The following TUSC3 variants were observed in gnomAD, a reference collection of about 807,000 sequenced individuals.
TUSC3 encodes the protein tumor suppressor candidate 3.
Under a neutral mutation model 44.8 loss-of-function variants are expected in TUSC3, and 45 were observed. The ratio of observed to expected loss-of-function variants is 1.00; its 90% CI spans 0.79 to 1.29. The LOEUF is 1.29. Ranked by LOEUF, TUSC3 falls within the 50% of genes most tolerant of loss-of-function variation. The pLI is 0.00. For synonymous variants in TUSC3, 212 were observed against 152.9 expected (o/e 1.39, Z -2.85); for missense variants, 519 against 437.9 (o/e 1.19, Z -1.65).
chr8:15,838,880 TC>T, the TUSC3 span, among the ~76,000 whole-genome samples: 4 of 152,144 alleles, frequency 2.6e-5, no homozygotes, highest in African/African-American at 9.7e-5. Context: ...GTAGTTTTTT[TC>T]CAATTCTGTG....
At chr8:15,523,590 T>G (rs965074888) in intron 2 of TUSC3, among the ~76,000 whole-genome samples, 2 of 148,760 alleles carry the variant, frequency 1.3e-5, no homozygotes, top group Non-Finnish European at 3.0e-5. Flanking sequence ...CTTGCCGACT[T>G]TCCAAATATT....
chr8:15,554,930 C>A (rs1247860598), intron 1 of TUSC3, among the ~76,000 whole-genome samples: 2 of 151,192 alleles, frequency 1.3e-5, no homozygotes, highest in Non-Finnish European at 2.9e-5. Context: ...TTTTAAATAG[C>A]TACTGTGGAA....
At chr8:15,779,501 G>C in the TUSC3 span, among the ~76,000 whole-genome samples, 1 of 152,164 alleles carries the variant, frequency 6.6e-6, no homozygotes, top group Non-Finnish European at 1.5e-5. Flanking sequence ...TAATATGGAA[G>C]CTGTCTAAAC....
At chr8:15,804,242 C>T in the TUSC3 span, among the ~76,000 whole-genome samples, 2 of 152,198 alleles carry the variant, frequency 1.3e-5, no homozygotes, top group African/African-American at 4.8e-5. Context: ...GATCACCATT[C>T]TAACTGGTGT....
chr8:15,560,306 G>C (rs201774620), intron 1 of TUSC3, among the ~76,000 whole-genome samples: 1 of 128,618 alleles, frequency 7.8e-6, no homozygotes. Flanking sequence ...GAAATTTCTT[G>C]TCTTTAAGAA....
intron 6 of TUSC3, among the ~76,000 whole-genome samples, chr8:15,717,345 T>G (rs896586097): frequency 6.6e-6 from 1 of 152,088 alleles, no homozygotes; most frequent in Admixed American, 6.6e-5. Flanking sequence ...CTTAAGAACC[T>G]GTATAGAGGT....
chr8:15,500,974 G>A (rs1279602661), intron 2 of TUSC3, among the ~76,000 whole-genome samples: 4 of 152,146 alleles, frequency 2.6e-5, no homozygotes, highest in African/African-American at 7.2e-5. Flanking sequence ...ATAAGGTACA[G>A]AAAGTAACTC....
intron 9 of TUSC3, among the ~76,000 whole-genome samples, chr8:15,750,780 T>A (rs570421576): frequency 6.6e-6 from 1 of 152,222 alleles, no homozygotes; most frequent in African/African-American, 2.4e-5. Flanking sequence ...CACACTCCTG[T>A]CAGCTCCCCA....
At chr8:15,452,084 G>A (rs1800202420) in intron 1 of TUSC3, among the ~76,000 whole-genome samples, 1 of 152,152 alleles carries the variant, frequency 6.6e-6, no homozygotes, top group African/African-American at 2.4e-5. Context: ...ACTCCTTCAT[G>A]TGACTCTAGC....
At chr8:15,506,760 G>A (rs749988647) in intron 2 of TUSC3, among the ~76,000 whole-genome samples, 1 of 152,086 alleles carries the variant, frequency 6.6e-6, no homozygotes, top group Non-Finnish European at 1.5e-5. Context: ...CCCACAACAC[G>A]TGAGGATTAT....
intron 6 of TUSC3, 133 bp downstream of exon 6, chr8:15,673,969 A>G (rs1808071709): frequency 4.2e-6 from 3 of 719,004 alleles, no homozygotes; most frequent in South Asian, 1.8e-5. Flanking sequence ...CTCATTTACT[A>G]CCTGTGTCAC....
At chr8:15,790,204 T>TTG in the TUSC3 span, among the ~76,000 whole-genome samples, 1 of 144,562 alleles carries the variant, frequency 6.9e-6, no homozygotes. Flanking sequence ...TTTTTTTTTT[T>TTG]GAGATGGAGT....
intron 8 of TUSC3, among the ~76,000 whole-genome samples, chr8:15,747,699 A>G (rs1410137264): frequency 6.6e-6 from 1 of 152,126 alleles, no homozygotes; most frequent in Non-Finnish European, 1.5e-5. Flanking sequence ...ACAGAGGAAT[A>G]TTGAAAACCT....
intron 1 of TUSC3, among the ~76,000 whole-genome samples, chr8:15,547,381 C>T (rs1216790763): frequency 6.6e-6 from 1 of 151,486 alleles, no homozygotes; most frequent in East Asian, 1.9e-4. Flanking sequence ...AAGTTAGTTT[C>T]TAGGAGTTTT....
Position 15,766,198 on chromosome 8 carries a change from C to T in TUSC3, c.*2042C>T. 1 of 151,910 alleles carries T rather than the reference C, an allele frequency of 6.6e-6. No individual in the cohort carries two copies. The highest frequency in any genetic ancestry group is 1.9e-4 in the East Asian group (1 of 5,192). 9.4% of individuals were successfully genotyped at this position (151,910 alleles called of 1,614,324 possible). On this transcript the variant is annotated 3_prime_UTR_variant, in exon 11 of 11. Coordinates refer to ENST00000503731, the MANE Select transcript of TUSC3 (RefSeq NM_006765.4). ...TTCATGCTTTAAAAAGCTGTGGCTTCTCTATAGACAACTGTTACATTAGGG... is the reference window on the plus strand; with the variant it reads ...TTCATGCTTTAAAAAGCTGTGGCTTTTCTATAGACAACTGTTACATTAGGG...
chr8:15,520,358 C>G (rs981076522), intron 2 of TUSC3, among the ~76,000 whole-genome samples: 4 of 152,224 alleles, frequency 2.6e-5, no homozygotes, highest in African/African-American at 9.6e-5. Context: ...ACATTGTAAC[C>G]TTGAGTAAGA....
chr8:15,542,931 G>C (rs1801737669), intron 1 of TUSC3, among the ~76,000 whole-genome samples: 1 of 152,166 alleles, frequency 6.6e-6, no homozygotes, highest in East Asian at 1.9e-4. Flanking sequence ...CATTTCTATA[G>C]TTTGTTAAAT....
chr8:15,629,184 G>C (rs1563142465), intron 2 of TUSC3, among the ~76,000 whole-genome samples: 1 of 152,176 alleles, frequency 6.6e-6, no homozygotes, highest in Non-Finnish European at 1.5e-5. Flanking sequence ...TTGATATTAG[G>C]ATGGTATGGT....
At chr8:15,600,007 A>G (rs1189212652) in intron 1 of TUSC3, among the ~76,000 whole-genome samples, 1 of 151,734 alleles carries the variant, frequency 6.6e-6, no homozygotes. Flanking sequence ...CTGCAAACAA[A>G]GACAGTTTTA....
Sources: allele counts gnomAD v4.1 joint callset (sites outside exome capture counted in the v4.1 genomes callset), GRCh38; gene constraint gnomAD v4.1.1; transcripts MANE v1.5; gene names NCBI Gene and HGNC (gene_info 2026-07-23, HGNC 2026-07-21).